THSD4: variants seen among roughly 807,000 people sequenced by gnomAD.
THSD4 encodes the protein thrombospondin type 1 domain containing 4, also known as thrombospondin type-1 domain-containing protein 4.
Under a neutral mutation model 119.0 loss-of-function variants are expected in THSD4, and 69 were observed. That is an observed-to-expected ratio of 0.58 (90% CI 0.48 to 0.71). The LOEUF (loss-of-function observed/expected upper bound fraction) is 0.71, where lower values mean the gene tolerates loss of function less well. Ranked by LOEUF, THSD4 falls within the 30% of genes least tolerant of loss-of-function variation. THSD4 has a pLI of 0.00. For missense variants in THSD4, 1,393 were observed against 1,391.1 expected (o/e 1.00, Z -0.02); for synonymous variants, 524 against 540.4 (o/e 0.97, Z 0.42).
Position 71,643,160 on chromosome 15 carries a change from T to C in THSD4, c.1153-17370T>C, listed in dbSNP as rs548507130. Among the ~76,000 whole-genome samples, 235 of 152,220 alleles carry C rather than the reference T, an allele frequency of 1.5e-3. 1 individual carries two copies. Among genetic ancestry groups the C allele is most frequent in the African/African-American group, 5.2e-3 (217 of 41,546 alleles). On this transcript the variant is annotated intron_variant, in intron 7 of 17. Coordinates refer to ENST00000261862, the MANE Select transcript of THSD4 (RefSeq NM_024817.3). ...TAGTAAAACATTTTTAAAGTGCCCA[T>C]GCATATGCTAAATCATCTGGTCCGG...
At chr15:71,172,851 G>GA (rs1186599035) in intron 3 of THSD4, among the ~76,000 whole-genome samples, 1 of 150,328 alleles carries the variant, frequency 6.7e-6, no homozygotes, top group African/African-American at 2.4e-5. Flanking sequence ...TACAATATAC[G>GA]AAAACTAACT....
chr15:71,341,152 C>A (rs1401822959), intron 6 of THSD4: 2 of 1,382,656 alleles, frequency 1.4e-6, no homozygotes, highest in Non-Finnish European at 2.0e-6. Context: ...TATTTTAATG[C>A]TGAATTTACT....
At chr15:71,569,318 AAGAG>A (rs964376956) in intron 7 of THSD4, among the ~76,000 whole-genome samples, 10 of 151,572 alleles carry the variant, frequency 6.6e-5, no homozygotes, top group South Asian at 4.2e-4. Flanking sequence ...GAAAAGAAGA[AAGAG>A]AGAGAGAGAG....
At chr15:71,636,164 A>G (rs780674524) in intron 7 of THSD4, among the ~76,000 whole-genome samples, 13 of 152,150 alleles carry the variant, frequency 8.5e-5, no homozygotes, top group Admixed American at 1.3e-4. Flanking sequence ...GCTCACACCT[A>G]TAATCCCAGA....
chr15:71,573,588 A>G (rs977060957), intron 7 of THSD4, among the ~76,000 whole-genome samples: 3 of 152,206 alleles, frequency 2.0e-5, no homozygotes, highest in African/African-American at 7.2e-5. Flanking sequence ...GAAATAAGTT[A>G]AACACCATAC....
chr15:71,131,559 T>C (rs2040504757), intron 1 of THSD4, among the ~76,000 whole-genome samples: 1 of 151,788 alleles, frequency 6.6e-6, no homozygotes, highest in South Asian at 2.1e-4. Context: ...AGAGACAGTA[T>C]ACATGACTAA....
At chr15:71,221,256 A>G (rs1349008061) in intron 4 of THSD4, among the ~76,000 whole-genome samples, 1 of 152,136 alleles carries the variant, frequency 6.6e-6, no homozygotes, top group African/African-American at 2.4e-5. Context: ...TCTTCCTCCA[A>G]TTATTTTATT....
intron 11 of THSD4, among the ~76,000 whole-genome samples, chr15:71,739,666 A>G (rs534002353): frequency 6.6e-6 from 1 of 152,124 alleles, no homozygotes; most frequent in East Asian, 1.9e-4. Flanking sequence ...TCCTGTTTGT[A>G]GTAAAGTCCT....
chr15:71,465,524 G>A (rs1278187998), intron 7 of THSD4, among the ~76,000 whole-genome samples: 1 of 152,128 alleles, frequency 6.6e-6, no homozygotes, highest in African/African-American at 2.4e-5. Flanking sequence ...TCCCTCCTTG[G>A]CTTCAGATTT....
chr15:71,700,588 A>G (rs1393838843), intron 8 of THSD4, among the ~76,000 whole-genome samples: 1 of 152,154 alleles, frequency 6.6e-6, no homozygotes, highest in African/African-American at 2.4e-5. Flanking sequence ...ATTCATCTAG[A>G]AGAGCAAATG....
intron 6 of THSD4, among the ~76,000 whole-genome samples, chr15:71,340,966 C>G (rs999406867): frequency 1.3e-5 from 2 of 152,148 alleles, no homozygotes; most frequent in African/African-American, 4.8e-5. Flanking sequence ...AGGGTCTACA[C>G]TGGTCCCTAC....
intron 7 of THSD4, among the ~76,000 whole-genome samples, chr15:71,629,040 A>G (rs1207804075): frequency 6.6e-6 from 1 of 152,204 alleles, no homozygotes; most frequent in Non-Finnish European, 1.5e-5. Context: ...AACAGTTATC[A>G]CGGGGTTTGG....
At chr15:71,440,020 TAAAA>T (rs200776619) in intron 7 of THSD4, among the ~76,000 whole-genome samples, 2 of 151,858 alleles carry the variant, frequency 1.3e-5, no homozygotes, top group Admixed American at 1.3e-4. Context: ...ATAATAATAA[TAAAA>T]AAAGAATATT....
intron 7 of THSD4, among the ~76,000 whole-genome samples, chr15:71,610,367 TAGATATATGTGAACCAC>T (rs1179457359): frequency 6.6e-6 from 1 of 152,182 alleles, no homozygotes; most frequent in Admixed American, 6.5e-5. Flanking sequence ...TCACATTTCA[TAGATATATGTGAACCAC>T]AGAGACCCAC....
intron 7 of THSD4, among the ~76,000 whole-genome samples, chr15:71,655,882 GGAA>G (rs2051180788): frequency 1.3e-5 from 2 of 152,148 alleles, no homozygotes; most frequent in Admixed American, 6.5e-5. Flanking sequence ...ACTGTCCTTG[GGAA>G]GAAGATCTGG....
intron 7 of THSD4, among the ~76,000 whole-genome samples, chr15:71,446,523 C>G (rs1317081599): frequency 1.3e-5 from 2 of 152,156 alleles, no homozygotes; most frequent in African/African-American, 4.8e-5. Flanking sequence ...TGTCATTTTT[C>G]TCAGTGCTTT....
At chr15:71,277,285 C>T (rs1267037225) in intron 6 of THSD4, among the ~76,000 whole-genome samples, 1 of 152,022 alleles carries the variant, frequency 6.6e-6, no homozygotes, top group Non-Finnish European at 1.5e-5. Flanking sequence ...GCCACCACGC[C>T]CACCTAATGT....
At chr15:71,121,722 G>A (rs964667157) in intron 1 of THSD4, among the ~76,000 whole-genome samples, 1 of 152,168 alleles carries the variant, frequency 6.6e-6, no homozygotes, top group Non-Finnish European at 1.5e-5. Context: ...TGCTAGCTTT[G>A]TTGTGACCTG....
At chr15:71,192,056 C>G (rs1021413237) in intron 3 of THSD4, among the ~76,000 whole-genome samples, 1 of 151,744 alleles carries the variant, frequency 6.6e-6, no homozygotes, top group African/African-American at 2.4e-5. Flanking sequence ...GTGCCCACCA[C>G]TATGCCCAGC....
Sources: gnomAD v4.1 joint callset for allele counts (sites outside exome capture counted in the v4.1 genomes callset) on GRCh38, gnomAD v4.1.1 for gene constraint, MANE v1.5 for transcripts, NCBI Gene and HGNC (gene_info 2026-07-23, HGNC 2026-07-21) for gene names.